Variants in CA3 observed in about 807,000 individuals in gnomAD.
CA3 encodes the protein CA-III.
In CA3, 30 loss-of-function variants were observed where a neutral mutation model predicts 35.7. The observed-to-expected ratio is 0.84, with a 90% CI of 0.63 to 1.14. The LOEUF (loss-of-function observed/expected upper bound fraction) is 1.14. Ranked by LOEUF, CA3 falls within the 50% of genes most tolerant of loss-of-function variation. The pLI, the probability that CA3 is intolerant of heterozygous loss-of-function variation, is 0.00. For synonymous variants in CA3, 131 were observed against 130.8 expected (o/e 1.00, Z -0.01); for missense variants, 295 against 328.5 (o/e 0.90, Z 0.79).
intron 3 of CA3, 45 bp downstream of exon 3, chr8:85,442,236 A>G: frequency 1.0e-6 from 1 of 995,216 alleles, no homozygotes. Flanking sequence ...ATACAGTGAA[A>G]ACTGCAAAAT....
chr8:85,443,460 TA>T (rs1434917483), intron 3 of CA3, among the ~76,000 whole-genome samples: 1 of 152,238 alleles, frequency 6.6e-6, no homozygotes, highest in African/African-American at 2.4e-5. Flanking sequence ...AGTTCTTGGT[TA>T]AATTAAATTC....
At chr8:85,448,012 A>G (rs1161850522) in intron 6 of CA3, 22 bp from the exon 7 acceptor site, 10 of 1,600,828 alleles carry the variant, frequency 6.2e-6, no homozygotes, top group South Asian at 1.1e-5. Flanking sequence ...TCTTGTTAAC[A>G]GTCTGCCCCT....
intron 5 of CA3, among the ~76,000 whole-genome samples, chr8:85,445,503 AACACAC>A (rs766933947): frequency 2.4e-5 from 3 of 123,332 alleles, no homozygotes; most frequent in Admixed American, 8.2e-5. Context: ...ATCCTCGCCC[AACACAC>A]ACACACACAC....
intron 3 of CA3, among the ~76,000 whole-genome samples, chr8:85,443,363 A>T: frequency 6.6e-6 from 1 of 152,222 alleles, no homozygotes; most frequent in East Asian, 1.9e-4. Context: ...TCTTTTCCAA[A>T]GATAGGCTCT....
chr8:85,439,765 C>T lies in CA3; in HGVS notation c.88C>T (p.Pro30Ser). The T allele has an allele frequency of 6.2e-7, 1 of 1,614,052 alleles. No homozygotes were observed. The highest frequency in any genetic ancestry group is 8.5e-7 in the Non-Finnish European group (1 of 1,179,970). The change falls in exon 2 of 7, where the codon CCC becomes TCC. Residue 30 changes from proline to serine, a missense_variant. Transcript: ENST00000285381. ...FPNAKGENQS[P>S]VELHTKDIRH... ...AAATGCCAAGGGGGAAAACCAGTCG[C>T]CCGTTGAGCTGCATACTAAAGACAT...
intron 5 of CA3, 49 bp downstream of exon 5, chr8:85,445,267 A>G (rs776072943): frequency 1.6e-6 from 2 of 1,233,686 alleles, no homozygotes. Context: ...GATTATGCAG[A>G]TTTTCTTTAC....
chr8:85,442,509 T>C, intron 3 of CA3: 1 of 243,564 alleles, frequency 4.1e-6, no homozygotes, highest in Non-Finnish European at 8.2e-6. Context: ...GCCCAGGAGT[T>C]CGAGACCAGC....
chr8:85,447,986 C>T (rs747335336), intron 6 of CA3, 48 bp from the exon 7 acceptor site: 2 of 1,577,836 alleles, frequency 1.3e-6, no homozygotes, highest in Non-Finnish European at 8.6e-7. Flanking sequence ...CGTAGTGTGT[C>T]CAGTTGATCC....
chr8:85,442,841 C>T (rs994147031), intron 3 of CA3, among the ~76,000 whole-genome samples: 1 of 152,166 alleles, frequency 6.6e-6, no homozygotes, highest in Non-Finnish European at 1.5e-5. Flanking sequence ...CTCATTAGAT[C>T]CTCTTAGCTA....
chr8:85,445,098 A>T (rs1020904762), intron 4 of CA3, 58 bp from the exon 5 acceptor site: 3 of 1,145,326 alleles, frequency 2.6e-6, no homozygotes, highest in Non-Finnish European at 3.8e-6. Flanking sequence ...AGCTTTGAAG[A>T]CAATCCTAAA....
rs749321384 is a variant in CA3 at position 85,448,080 on chromosome 8, C to T, written c.710C>T (p.Pro237Leu). The T allele has an allele frequency of 1.9e-6, 3 of 1,613,694 alleles. No homozygotes were observed. In the Admixed American group the frequency reaches 5.0e-5, roughly 27 times the overall value. The stretch of plus-strand genomic sequence containing the variant: ...CTCTCCAGTGCTGAGAACGAGCCCC[C>T]AGTGCCTCTTGTGAGCAACTGGCGA... ...SLLSSAENEP[P>L]VPLVSNWRPP... The change falls in exon 7 of 7, where the codon CCA (proline) becomes CTA (leucine). Residue 237 changes from proline (P) to leucine (L), a missense_variant. Pro to Leu is a moderately conservative substitution (Grantham distance 98). Transcript: ENST00000285381.
intron 1 of CA3, 80 bp from the exon 2 acceptor site, chr8:85,439,632 A>G: frequency 1.0e-6 from 1 of 958,692 alleles, no homozygotes; most frequent in African/African-American, 1.6e-5. Flanking sequence ...GCCTCTCTGT[A>G]TTTTGCTGGT....
intron 6 of CA3, among the ~76,000 whole-genome samples, chr8:85,446,858 A>G (rs1447163914): frequency 6.6e-6 from 1 of 152,202 alleles, no homozygotes; most frequent in Non-Finnish European, 1.5e-5. Flanking sequence ...TTACTGTTTG[A>G]TCTAAAGAGT....
Position 85,444,098 on chromosome 8 carries a change from G to A in CA3, c.416G>A (p.Gly139Glu), listed in dbSNP as rs1262960767. 10 of 1,613,062 alleles carry A rather than the reference G, an allele frequency of 6.2e-6. No individual in the cohort carries two copies. In the Admixed American group the frequency reaches 1.5e-4, roughly 24 times the overall value. ...TFKEALKQRD[G>E]IAVIGIFLKI... ...AAAGAAGCCCTGAAGCAGCGCGATGGGATCGCTGTGATTGGCATTTTTCTG... is the reference window on the plus strand; with the variant it reads ...AAAGAAGCCCTGAAGCAGCGCGATGAGATCGCTGTGATTGGCATTTTTCTG... The change falls in exon 4 of 7, where the codon GGG (glycine) becomes GAG (glutamate). Residue 139 changes from glycine to glutamate, a missense_variant. Physicochemically the swap from Gly to Glu is moderately conservative, Grantham distance 98 (BLOSUM62 -2). Transcript: ENST00000285381.
rs191477481 is a variant in CA3, at chr8:85,445,100, A to G, written c.445-56A>G. The G allele has an allele frequency of 4.9e-5, 58 of 1,176,436 alleles. No individual in the cohort carries two copies. In the African/African-American group the frequency reaches 8.4e-4, roughly 17 times the overall value. 72.9% of individuals were successfully genotyped at this position (1,176,436 alleles called of 1,614,324 possible). ...ATGGATCAAAATCAGCTTTGAAGAC[A>G]ATCCTAAACTATGGAGAAGTAAAAG... On this transcript the variant is annotated intron_variant, in intron 4 of 6. Transcript: ENST00000285381.
chr8:85,447,483 T>C (rs1811308150), intron 6 of CA3, among the ~76,000 whole-genome samples: 2 of 152,206 alleles, frequency 1.3e-5, no homozygotes, highest in African/African-American at 2.4e-5. Flanking sequence ...TGATCCTGTA[T>C]AGAATGAAGA....
intron 2 of CA3, among the ~76,000 whole-genome samples, chr8:85,440,154 A>G (rs773392506): frequency 6.6e-6 from 1 of 152,194 alleles, no homozygotes; most frequent in African/African-American, 2.4e-5. Flanking sequence ...TTGGCAATGC[A>G]TTCCTGAAAT....
intron 5 of CA3, 108 bp from the exon 6 acceptor site, chr8:85,446,034 C>A (rs1334603836): frequency 4.8e-6 from 5 of 1,038,772 alleles, no homozygotes; most frequent in Non-Finnish European, 5.5e-6. Context: ...GTTCTATTTT[C>A]TCTATTGCAT....
intron 3 of CA3, chr8:85,442,452 C>T: frequency 2.9e-6 from 1 of 345,576 alleles, no homozygotes; most frequent in Non-Finnish European, 5.5e-6. Context: ...GTGGCTCACA[C>T]CTGTAATCTC....
Sources: gnomAD v4.1 joint callset for allele counts (sites outside exome capture counted in the v4.1 genomes callset) on GRCh38, gnomAD v4.1.1 for gene constraint, MANE v1.5 for transcripts, NCBI Gene and HGNC (gene_info 2026-07-23, HGNC 2026-07-21) for gene names.